Variants in MAGI2 observed in about 807,000 individuals in gnomAD.
MAGI2 encodes the protein membrane-associated guanylate kinase, WW and PDZ domain-containing protein 2.
MAGI2 carries 35 observed loss-of-function variants against 133.3 expected under a neutral mutation model. That is an observed-to-expected ratio of 0.26 (90% CI 0.20 to 0.35). The LOEUF is 0.35. MAGI2 is among the 10% of genes least tolerant of loss of function. MAGI2 has a pLI of 1.00. For synonymous variants in MAGI2, 729 were observed against 710.6 expected (o/e 1.03, Z -0.41); for missense variants, 1,636 against 1,863.4 (o/e 0.88, Z 2.25).
chr7:78,931,759 A>T lies in MAGI2; in HGVS notation c.418+75331T>A, dbSNP rs186177294. On this transcript the variant is annotated intron_variant, in intron 2 of 21. Transcript: ENST00000354212. The stretch of plus-strand genomic sequence containing the variant: ...ACACCACAGGGTAACTTGCTTGTAA[A>T]TTATTATATCATAGCAACAAAGCTA... Among the ~76,000 whole-genome samples, 3 of 152,184 alleles carry T rather than the reference A, an allele frequency of 2.0e-5. No homozygotes were observed. The East Asian group carries it at 5.8e-4, about 29-fold the overall frequency.
At chr7:78,517,653 C>T (rs1046501619) in intron 4 of MAGI2, among the ~76,000 whole-genome samples, 11 of 151,920 alleles carry the variant, frequency 7.2e-5, no homozygotes, top group African/African-American at 2.4e-4. Flanking sequence ...TTATTATTGA[C>T]AAGGATAAAA....
At chr7:78,849,040 A>C (rs1792889970) in intron 2 of MAGI2, among the ~76,000 whole-genome samples, 1 of 152,098 alleles carries the variant, frequency 6.6e-6, no homozygotes, top group African/African-American at 2.4e-5. Flanking sequence ...GTTATAAAAC[A>C]TTGCTTTTTA....
chr7:79,158,643 T>C (rs1824053593), intron 1 of MAGI2, among the ~76,000 whole-genome samples: 1 of 152,100 alleles, frequency 6.6e-6, no homozygotes, highest in Non-Finnish European at 1.5e-5. Context: ...AATAGTCAAA[T>C]CCTGAGCTAT....
chr7:78,343,311 A>G (rs1320478963), intron 9 of MAGI2, among the ~76,000 whole-genome samples: 1 of 152,216 alleles, frequency 6.6e-6, no homozygotes, highest in African/African-American at 2.4e-5. Flanking sequence ...TTAAAACATA[A>G]TATAGGGACA....
intron 6 of MAGI2, among the ~76,000 whole-genome samples, chr7:78,426,155 A>G (rs1799256123): frequency 6.6e-6 from 1 of 152,222 alleles, no homozygotes; most frequent in South Asian, 2.1e-4. Context: ...GAACAAATGT[A>G]ATTCAGAACT....
At chr7:78,857,676 T>G (rs1245525322) in intron 2 of MAGI2, among the ~76,000 whole-genome samples, 2 of 152,190 alleles carry the variant, frequency 1.3e-5, no homozygotes, top group Non-Finnish European at 2.9e-5. Flanking sequence ...TGAGGATATT[T>G]ACATCGATGT....
intron 10 of MAGI2, among the ~76,000 whole-genome samples, chr7:78,211,155 G>C (rs1437048728): frequency 6.6e-6 from 1 of 152,158 alleles, no homozygotes; most frequent in African/African-American, 2.4e-5. Context: ...CACCAGGGGA[G>C]ACATTCACCT....
rs576909557 is a variant in MAGI2 at position 78,174,010 on chromosome 7, G to A, written c.2403+4001C>T. Reference sequence around the variant, plus strand: ...GGGAACTAAAAAAAACATGCTATAGGGCCGCCAGGACGCTATCTCTGTTTC... The same window carrying A: ...GGGAACTAAAAAAAACATGCTATAGAGCCGCCAGGACGCTATCTCTGTTTC... On this transcript the variant is annotated intron_variant, in intron 14 of 21. Coordinates refer to ENST00000354212, the MANE Select transcript of MAGI2 (RefSeq NM_012301.4). 1.1e-4 allele frequency among the ~76,000 whole-genome samples: 16 copies of A among 152,234 alleles called. 1 individual carries two copies. The South Asian group carries it at 3.1e-3, about 30-fold the overall frequency.
At chr7:78,312,967 TACAC>T (rs750846388) in intron 9 of MAGI2, among the ~76,000 whole-genome samples, 2 of 149,674 alleles carry the variant, frequency 1.3e-5, no homozygotes, top group Non-Finnish European at 3.0e-5. Flanking sequence ...TATATGTATA[TACAC>T]ACACACACAC....
intron 2 of MAGI2, among the ~76,000 whole-genome samples, chr7:78,792,722 T>C (rs1274712453): frequency 2.0e-5 from 3 of 152,058 alleles, no homozygotes; most frequent in Admixed American, 6.5e-5. Flanking sequence ...CAAGTGTAAG[T>C]GGTTAACTGA....
chr7:79,068,292 G>A (rs1038531511), intron 1 of MAGI2, among the ~76,000 whole-genome samples: 3 of 152,098 alleles, frequency 2.0e-5, no homozygotes, highest in Admixed American at 6.5e-5. Context: ...ACTTGTTATT[G>A]GTCTATTCAG....
At chr7:78,024,700 G>T (rs1384784594) in intron 21 of MAGI2, among the ~76,000 whole-genome samples, 2 of 152,236 alleles carry the variant, frequency 1.3e-5, no homozygotes, top group Admixed American at 6.5e-5. Context: ...TTGAAAGAGG[G>T]CCACGTGTGG....
intron 16 of MAGI2, among the ~76,000 whole-genome samples, chr7:78,142,116 T>C (rs1337522568): frequency 6.6e-6 from 1 of 152,148 alleles, no homozygotes; most frequent in Non-Finnish European, 1.5e-5. Flanking sequence ...AGGGGTCACA[T>C]GGCTAGCTTC....
chr7:78,626,545 T>A (rs532009130), intron 3 of MAGI2, among the ~76,000 whole-genome samples: 1 of 152,312 alleles, frequency 6.6e-6, no homozygotes, highest in South Asian at 2.1e-4. Flanking sequence ...TTCAAGGTTT[T>A]GGTTTCATTT....
At chr7:78,453,851 T>C (rs2151489713) in intron 6 of MAGI2, among the ~76,000 whole-genome samples, 1 of 152,224 alleles carries the variant, frequency 6.6e-6, no homozygotes, top group Admixed American at 6.5e-5. Context: ...TTGAAATATT[T>C]TTATAGATTT....
rs554163518 is a variant in MAGI2, at chr7:78,790,411, G to A, written c.419-163172C>T. Among the ~76,000 whole-genome samples the A allele has an allele frequency of 2.6e-4, 40 of 152,214 alleles. No homozygotes were observed. The South Asian group carries it at 7.9e-3, about 30-fold the overall frequency. On this transcript the variant is annotated intron_variant, in intron 2 of 21. Coordinates refer to ENST00000354212, the MANE Select transcript of MAGI2 (RefSeq NM_012301.4). ...GAAAGAAGATTTCTGTTGAAATTTA[G>A]ATCACTTTGCCTTCCTGGAGTTCAG...
chr7:79,030,483 A>G (rs955166113), intron 1 of MAGI2: 1 of 152,236 alleles, frequency 6.6e-6, no homozygotes, highest in South Asian at 2.1e-4. Flanking sequence ...CTGACAGACC[A>G]CAGGGACGTA....
At chr7:78,992,656 A>G (rs1011881011) in intron 2 of MAGI2, among the ~76,000 whole-genome samples, 5 of 152,018 alleles carry the variant, frequency 3.3e-5, no homozygotes, top group African/African-American at 1.2e-4. Flanking sequence ...GTCAACATAT[A>G]GGCTTAAATA....
At chr7:78,827,731 T>C (rs1234098455) in intron 2 of MAGI2, among the ~76,000 whole-genome samples, 1 of 152,124 alleles carries the variant, frequency 6.6e-6, no homozygotes, top group African/African-American at 2.4e-5. Context: ...CAACCAAAAG[T>C]ATAAAATAAA....
Sources: allele counts gnomAD v4.1 joint callset (sites outside exome capture counted in the v4.1 genomes callset), GRCh38; gene constraint gnomAD v4.1.1; transcripts MANE v1.5; gene names NCBI Gene and HGNC (gene_info 2026-07-23, HGNC 2026-07-21).